Variants in KIAA0513 observed in about 807,000 individuals in gnomAD.
The protein encoded by KIAA0513 is KIAA0513, also known as uncharacterized protein KIAA0513.
In KIAA0513, 39 loss-of-function variants were observed where a neutral mutation model predicts 56.5. The observed-to-expected ratio is 0.69, with a 90% CI of 0.53 to 0.90. The LOEUF (loss-of-function observed/expected upper bound fraction) is 0.90. Ranked by LOEUF, KIAA0513 falls within the 40% of genes least tolerant of loss-of-function variation. The pLI, the probability that KIAA0513 is intolerant of heterozygous loss-of-function variation, is 0.00. For missense variants in KIAA0513, 591 were observed against 535.2 expected (o/e 1.10, Z -1.03); for synonymous variants, 268 against 215.6 (o/e 1.24, Z -2.13).
At chr16:85,080,805 TAAATA>T (rs1405725312) in intron 8 of KIAA0513, among the ~76,000 whole-genome samples, 1 of 152,110 alleles carries the variant, frequency 6.6e-6, no homozygotes, top group Non-Finnish European at 1.5e-5. Context: ...AAAAAATAAA[TAAATA>T]AATAAAATAA....
chr16:85,061,156 CAA>C (rs71386073), intron 1 of KIAA0513, among the ~76,000 whole-genome samples: 12 of 109,128 alleles, frequency 1.1e-4, no homozygotes, highest in Non-Finnish European at 1.2e-4. Context: ...GTCTCCGTCT[CAA>C]AAAAAAAAAA....
chr16:85,069,647 C>T (rs1226736385), intron 2 of KIAA0513, among the ~76,000 whole-genome samples: 1 of 151,906 alleles, frequency 6.6e-6, no homozygotes, highest in East Asian at 1.9e-4. Context: ...GGAGCTTCCA[C>T]CATTCACAGC....
chr16:85,085,954 C>T (rs1440652059), intron 10 of KIAA0513, among the ~76,000 whole-genome samples: 1 of 152,186 alleles, frequency 6.6e-6, no homozygotes, highest in Non-Finnish European at 1.5e-5. Context: ...GTCAAAGAGA[C>T]TGGTGGGAAG....
At chr16:85,042,335 G>A (rs12324935) in intron 1 of KIAA0513, among the ~76,000 whole-genome samples, 77 of 152,286 alleles carry the variant, frequency 5.1e-4, no homozygotes, top group African/African-American at 1.8e-3. Flanking sequence ...TATAGGTTGA[G>A]TCTTTTCCCA....
intron 1 of KIAA0513, among the ~76,000 whole-genome samples, chr16:85,053,497 A>C (rs1410575361): frequency 1.3e-5 from 2 of 152,160 alleles, no homozygotes; most frequent in Non-Finnish European, 2.9e-5. Flanking sequence ...ATAGGCCTGG[A>C]CTAGAGTTTG....
intron 1 of KIAA0513, among the ~76,000 whole-genome samples, chr16:85,062,588 A>C (rs973584687): frequency 1.3e-5 from 2 of 152,180 alleles, no homozygotes; most frequent in African/African-American, 4.8e-5. Flanking sequence ...TGTAGAACGA[A>C]GCAGATGGGC....
At chr16:85,087,340 G>C (rs527914480) in intron 12 of KIAA0513, among the ~76,000 whole-genome samples, 174 bp downstream of exon 12, 1 of 152,216 alleles carries the variant, frequency 6.6e-6, no homozygotes, top group Non-Finnish European at 1.5e-5. Flanking sequence ...ATAGACAGAC[G>C]CACAGGACAC....
chr16:85,067,067 G>A lies in KIAA0513; in HGVS notation c.-5G>A. The stretch of plus-strand genomic sequence containing the variant: ...AGGCAGCCTCACCAGCAGCTCCCCT[G>A]AGCCATGGAGACCCCAGAGGTCCCC... On this transcript the variant is annotated 5_prime_UTR_variant, in exon 2 of 13. Transcript: ENST00000683363. 1 of 1,554,680 alleles carries A rather than the reference G, an allele frequency of 6.4e-7. No individual in the cohort carries two copies. Among genetic ancestry groups the A allele is most frequent in the East Asian group, 2.3e-5 (1 of 44,238 alleles).
intron 10 of KIAA0513, among the ~76,000 whole-genome samples, chr16:85,084,244 C>G (rs1401780652): frequency 2.6e-5 from 3 of 114,040 alleles, no homozygotes; most frequent in Non-Finnish European, 3.7e-5. Flanking sequence ...CTTTTCTTTT[C>G]TTTTTCTTTT....
chr16:85,083,366 A>C (rs2073771031), intron 10 of KIAA0513, among the ~76,000 whole-genome samples: 1 of 152,160 alleles, frequency 6.6e-6, no homozygotes, highest in African/African-American at 2.4e-5. Flanking sequence ...TGCCTCCTCT[A>C]ATCAGTGGTA....
In KIAA0513 at chr16:85,088,337, C is replaced by G. The variant is rs545110917; in HGVS notation, c.*12C>G. 2.5e-6 allele frequency: 4 copies of G among 1,607,400 alleles called. No homozygotes were observed. Among genetic ancestry groups the G allele is most frequent in the Non-Finnish European group, 3.4e-6 (4 of 1,178,778 alleles). On this transcript the variant is annotated 3_prime_UTR_variant, in exon 13 of 13. Transcript: ENST00000683363. ...TGGCCACTGAGTAGGCCCCAGAGGTCGCACTCCGCAGGAGGACTGAGGCCA... is the reference window on the plus strand; with the variant it reads ...TGGCCACTGAGTAGGCCCCAGAGGTGGCACTCCGCAGGAGGACTGAGGCCA...
At chr16:85,029,882 C>T (rs1399378308) in intron 1 of KIAA0513, among the ~76,000 whole-genome samples, 1 of 152,198 alleles carries the variant, frequency 6.6e-6, no homozygotes, top group Non-Finnish European at 1.5e-5. Flanking sequence ...GGTTTGTTAT[C>T]GTTCCCATGT....
chr16:85,086,814 T>C, intron 11 of KIAA0513, 90 bp downstream of exon 11: 1 of 1,203,922 alleles, frequency 8.3e-7, no homozygotes, highest in Non-Finnish European at 1.2e-6. Flanking sequence ...TGGGGTGTGA[T>C]GTCAGCCTGC....
intron 1 of KIAA0513, among the ~76,000 whole-genome samples, chr16:85,030,927 C>G (rs539746368): frequency 1.8e-4 from 27 of 152,184 alleles, no homozygotes; most frequent in African/African-American, 6.5e-4. Flanking sequence ...AAGGCAATCC[C>G]CAGCACACGA....
At position 85,065,191 on chromosome 16, in the gene KIAA0513, T is replaced by C. The variant is rs542870124; in HGVS notation, c.-172-1709T>C. Among the ~76,000 whole-genome samples the C allele has an allele frequency of 5.9e-5, 9 of 152,318 alleles. No homozygotes were observed. The South Asian group carries it at 1.7e-3, about 28-fold the overall frequency. Reference sequence around the variant, plus strand: ...ACTGTGTGTGTGGTTTTCTGTTCTTTGGTGAGTGAGAATGCGCTTGTGGAA... The same window carrying C: ...ACTGTGTGTGTGGTTTTCTGTTCTTCGGTGAGTGAGAATGCGCTTGTGGAA... On this transcript the variant is annotated intron_variant, in intron 1 of 12. Transcript: ENST00000683363.
chr16:85,073,515 G>T (rs1028084885), intron 4 of KIAA0513, among the ~76,000 whole-genome samples: 2 of 152,182 alleles, frequency 1.3e-5, no homozygotes, highest in East Asian at 1.9e-4. Flanking sequence ...CTGGAGATTT[G>T]GGGCCAATCC....
intron 1 of KIAA0513, 34 bp downstream of exon 1, chr16:85,027,892 G>T (rs529375735): frequency 6.6e-6 from 1 of 152,252 alleles, no homozygotes; most frequent in East Asian, 1.9e-4. Flanking sequence ...GGCCTGACAG[G>T]CTCATGAGGG....
At chr16:85,083,178 G>GC (rs1188302030) in intron 10 of KIAA0513, among the ~76,000 whole-genome samples, 1 of 152,210 alleles carries the variant, frequency 6.6e-6, no homozygotes, top group Non-Finnish European at 1.5e-5. Context: ...GGTGCGAGGG[G>GC]CCCCCGAGGA....
intron 1 of KIAA0513, among the ~76,000 whole-genome samples, chr16:85,028,947 C>G (rs1244742550): frequency 6.6e-6 from 1 of 152,196 alleles, no homozygotes; most frequent in Non-Finnish European, 1.5e-5. Context: ...TAGAGGCATC[C>G]TCCTCCCTCA....
Sources: gnomAD v4.1 joint callset for allele counts (sites outside exome capture counted in the v4.1 genomes callset) on GRCh38, gnomAD v4.1.1 for gene constraint, MANE v1.5 for transcripts, NCBI Gene and HGNC (gene_info 2026-07-23, HGNC 2026-07-21) for gene names.